The following EMSY variants were observed in gnomAD, a reference collection of about 807,000 sequenced individuals.
EMSY encodes the protein EMSY transcriptional repressor, BRCA2 interacting.
In EMSY, 26 loss-of-function variants were observed where a neutral mutation model predicts 134.6. That is an observed-to-expected ratio of 0.19 (90% confidence interval 0.14 to 0.27). The LOEUF is 0.27. EMSY is among the 10% of genes least tolerant of loss of function. The pLI is 1.00. For synonymous variants in EMSY, 579 were observed against 577.8 expected (o/e 1.00, Z -0.03); for missense variants, 1,305 against 1,611.4 (o/e 0.81, Z 3.26).
At chr11:76,495,154 C>T (rs143901111) in intron 8 of EMSY, among the ~76,000 whole-genome samples, 7 of 152,260 alleles carry the variant, frequency 4.6e-5, no homozygotes, top group African/African-American at 9.6e-5. Flanking sequence ...AGAGTCATAG[C>T]GACTTCTCAA....
intron 19 of EMSY, 46 bp from the exon 21 acceptor site, chr11:76,545,751 T>G: frequency 6.5e-7 from 1 of 1,538,418 alleles, no homozygotes; most frequent in Non-Finnish European, 8.7e-7. Flanking sequence ...TTAGATTTTC[T>G]CAAAGAGATG....
chr11:76,529,919 T>A (rs1408179840), intron 14 of EMSY, among the ~76,000 whole-genome samples: 1 of 152,178 alleles, frequency 6.6e-6, no homozygotes, highest in East Asian at 1.9e-4. Flanking sequence ...TTTCTTTTGG[T>A]CTGCAGTTTC....
chr11:76,549,794 G>T (rs1951782213), intron 20 of EMSY, among the ~76,000 whole-genome samples, 158 bp from the exon 22 acceptor site: 1 of 151,958 alleles, frequency 6.6e-6, no homozygotes, highest in East Asian at 1.9e-4. Context: ...AGTAGAATGT[G>T]ATGTGTGAAA....
intron 14 of EMSY, among the ~76,000 whole-genome samples, chr11:76,530,711 G>A (rs1044235763): frequency 6.6e-6 from 1 of 152,256 alleles, no homozygotes; most frequent in Non-Finnish European, 1.5e-5. Context: ...TTATCGCCTT[G>A]TATAGCTGTT....
intron 18 of EMSY, among the ~76,000 whole-genome samples, chr11:76,543,500 A>G (rs1337906802): frequency 6.6e-6 from 1 of 152,180 alleles, no homozygotes; most frequent in Non-Finnish European, 1.5e-5. Context: ...AGCTCCTGAC[A>G]TTGACCTTTC....
intron 4 of EMSY, among the ~76,000 whole-genome samples, chr11:76,457,410 C>T (rs1164760891): frequency 6.6e-6 from 1 of 152,174 alleles, no homozygotes; most frequent in Non-Finnish European, 1.5e-5. Context: ...ATATTTCAAC[C>T]TCTGGTTGGA....
intron 4 of EMSY, among the ~76,000 whole-genome samples, chr11:76,455,959 G>A (rs1229789127): frequency 1.3e-5 from 2 of 152,116 alleles, no homozygotes; most frequent in Admixed American, 6.6e-5. Flanking sequence ...TCTGTGTGAG[G>A]ATGAGGATTT....
chr11:76,505,103 G>A (rs891333739), intron 9 of EMSY, among the ~76,000 whole-genome samples: 117 of 152,288 alleles, frequency 7.7e-4, no homozygotes, highest in African/African-American at 2.6e-3. Flanking sequence ...GAACATATCT[G>A]TGAATATATT....
intron 7 of EMSY, among the ~76,000 whole-genome samples, chr11:76,467,766 C>T (rs1435240584): frequency 6.6e-6 from 1 of 151,962 alleles, no homozygotes; most frequent in African/African-American, 2.4e-5. Flanking sequence ...CTGAGGCAGG[C>T]GGATCACCTG....
intron 14 of EMSY, among the ~76,000 whole-genome samples, chr11:76,532,633 ATT>A (rs938932129): frequency 4.8e-4 from 73 of 152,048 alleles, no homozygotes; most frequent in African/African-American, 1.7e-3. Context: ...ATTAAAGATT[ATT>A]TATATTATGC....
exon 18 of EMSY, chr11:76,542,319 G>A: frequency 6.2e-7 from 1 of 1,614,166 alleles, no homozygotes. Context: ...TGGTGGTGAA[G>A]TCCATCCCAG....
intron 7 of EMSY, among the ~76,000 whole-genome samples, chr11:76,469,400 G>A (rs1948486842): frequency 6.6e-6 from 1 of 152,156 alleles, no homozygotes; most frequent in South Asian, 2.1e-4. Flanking sequence ...CTACTCTAAT[G>A]GTTTGGCTGT....
chr11:76,450,744 G>A (rs1031684417), intron 2 of EMSY, among the ~76,000 whole-genome samples: 4 of 150,730 alleles, frequency 2.7e-5, no homozygotes, highest in African/African-American at 9.8e-5. Flanking sequence ...CTCCTGCCTC[G>A]GCCTCCCAAA....
At chr11:76,546,147 A>G in exon 20 of EMSY, 2 of 1,614,216 alleles carry the variant, frequency 1.2e-6, no homozygotes, top group Non-Finnish European at 8.5e-7. Flanking sequence ...AGAAATGTAG[A>G]GAGTCCTGTT....
At chr11:76,509,776 A>T (rs1393234937) in intron 9 of EMSY, among the ~76,000 whole-genome samples, 1 of 152,266 alleles carries the variant, frequency 6.6e-6, no homozygotes, top group East Asian at 1.9e-4. Context: ...CTGACAATAT[A>T]TAAGAAACTA....
At chr11:76,491,085 C>G (rs974702887) in intron 8 of EMSY, among the ~76,000 whole-genome samples, 4 of 151,970 alleles carry the variant, frequency 2.6e-5, no homozygotes, top group African/African-American at 4.8e-5. Context: ...CTGTTGTTGC[C>G]TCCTCCCCTG....
At chr11:76,467,985 A>G (rs967506938) in intron 7 of EMSY, among the ~76,000 whole-genome samples, 7 of 151,458 alleles carry the variant, frequency 4.6e-5, no homozygotes, top group Non-Finnish European at 2.9e-5. Flanking sequence ...ATCTCAAAAA[A>G]AAAAAACAAA....
intron 18 of EMSY, 55 bp from the exon 20 acceptor site, chr11:76,544,204 T>C (rs895955573): frequency 1.3e-6 from 2 of 1,482,514 alleles, no homozygotes; most frequent in African/African-American, 2.8e-5. Context: ...GAGGAAAATG[T>C]AGCAATGTAG....
chr11:76,493,420 C>G lies in EMSY; in HGVS notation c.1109-2795C>G, dbSNP rs1197569782. 3.3e-5 allele frequency among the ~76,000 whole-genome samples: 5 copies of G among 152,168 alleles called. No individual in the cohort carries two copies. The East Asian group carries it at 9.7e-4, about 29-fold the overall frequency. ...AGGGGTGGGTCCCGGTGAGGTCCCA[C>G]CCTCAAACCAGGGATGGCCTGAAGC... On this transcript the variant is annotated intron_variant, in intron 8 of 20. Transcript: ENST00000334736.
Sources: allele counts gnomAD v4.1 joint callset (sites outside exome capture counted in the v4.1 genomes callset), GRCh38; gene constraint gnomAD v4.1.1; transcripts MANE v1.5; gene names NCBI Gene and HGNC (gene_info 2026-07-23, HGNC 2026-07-21).